VPS13B: variants seen among roughly 807,000 people sequenced by gnomAD.
The protein encoded by VPS13B is vacuolar protein sorting 13 homolog B, also known as intermembrane lipid transfer protein VPS13B.
In VPS13B, 285 loss-of-function variants were observed where a neutral mutation model predicts 426.4. That is an observed-to-expected ratio of 0.67 (90% CI 0.61 to 0.74). The LOEUF is 0.74. Among genes scored for constraint, VPS13B ranks in the 30% least tolerant of loss-of-function variants. VPS13B has a pLI of 0.00. For synonymous variants in VPS13B, 1,676 were observed against 1,676.4 expected (o/e 1.00, Z 0.01); for missense variants, 4,537 against 4,782.6 (o/e 0.95, Z 1.51).
chr8:99,079,107 G>A (rs951231021), intron 3 of VPS13B, among the ~76,000 whole-genome samples: 39 of 152,104 alleles, frequency 2.6e-4, no homozygotes, highest in Admixed American at 1.3e-3. Context: ...GAGAATGGGC[G>A]TAGGCAATGT....
intron 39 of VPS13B, among the ~76,000 whole-genome samples, chr8:99,754,342 T>C (rs1810537445): frequency 6.6e-6 from 1 of 152,214 alleles, no homozygotes; most frequent in South Asian, 2.1e-4. Flanking sequence ...AAAGTATCTC[T>C]ACTCAATTTG....
intron 21 of VPS13B, among the ~76,000 whole-genome samples, chr8:99,419,412 C>T (rs1338204050): frequency 6.6e-6 from 1 of 151,374 alleles, no homozygotes; most frequent in African/African-American, 2.4e-5. Flanking sequence ...CAGACTAACA[C>T]AATTTCCCTT....
intron 21 of VPS13B, among the ~76,000 whole-genome samples, chr8:99,428,860 G>A (rs1025792346): frequency 7.2e-5 from 11 of 152,128 alleles, no homozygotes; most frequent in Admixed American, 2.6e-4. Context: ...ATTCACAATA[G>A]CAAAGACTTG....
Position 99,575,762 on chromosome 8 carries a change from C to T in VPS13B, c.5054C>T (p.Ser1685Phe), listed in dbSNP as rs763052877. Residue 1685 changes from serine (S) to phenylalanine (F), a missense_variant, in exon 32 of 62, where the codon TCT becomes TTT. Ser to Phe is a radical substitution (Grantham distance 155). Around this residue, in one of 2 missense-constraint regions of VPS13B, gnomAD observed 4,311 missense variants for 4,474.3 expected, o/e 0.96. Coordinates refer to ENST00000357162, the MANE Select transcript of VPS13B (RefSeq NM_152564.5). ...GCTGTCATTTTCACCAAAGTAGTTT[C>T]TCCAGAAAATTTGCATACTGAGGTT... ...APAVIFTKVV[S>F]PENLHTEEIL... 45 of 1,613,520 alleles carry T rather than the reference C, an allele frequency of 2.8e-5. No individual in the cohort carries two copies. Among genetic ancestry groups the T allele is most frequent in the Non-Finnish European group, 4.2e-6 (5 of 1,179,806 alleles).
At chr8:99,014,012 G>A in intron 2 of VPS13B, 77 bp downstream of exon 2, 1 of 1,572,278 alleles carries the variant, frequency 6.4e-7, no homozygotes, top group Non-Finnish European at 8.7e-7. Context: ...CCTAAGCTTT[G>A]ACTTTATGCT....
At chr8:99,243,562 A>G (rs898442229) in intron 17 of VPS13B, among the ~76,000 whole-genome samples, 4 of 152,212 alleles carry the variant, frequency 2.6e-5, no homozygotes, top group Admixed American at 2.0e-4. Context: ...TCAGAAAAGG[A>G]TAGACATAAG....
At position 99,384,251 on chromosome 8, in the gene VPS13B, T is replaced by G; in HGVS notation, c.2868T>G (p.Ile956Met). The G allele has an allele frequency of 1.2e-6, 2 of 1,614,044 alleles. No individual in the cohort carries two copies. Among genetic ancestry groups the G allele is most frequent in the Non-Finnish European group, 1.7e-6 (2 of 1,179,964 alleles). ...GTATACAAGGACTAGCAGTTAATAT[T>G]GACCCAATCTTATATACGTGGCTCA... ...LCSIQGLAVNIDPILYTWLIY... is the reference protein window; with the variant it reads ...LCSIQGLAVNMDPILYTWLIY... The change falls in exon 20 of 62, where the codon ATT (isoleucine) becomes ATG (methionine). Residue 956 changes from isoleucine (I) to methionine (M), a missense_variant. Ile to Met is a conservative substitution (Grantham distance 10). Around this residue, in one of 2 missense-constraint regions of VPS13B, gnomAD observed 4,311 missense variants for 4,474.3 expected, o/e 0.96. Transcript: ENST00000357162.
At chr8:99,455,841 T>C (rs1303448068) in intron 23 of VPS13B, among the ~76,000 whole-genome samples, 1 of 152,214 alleles carries the variant, frequency 6.6e-6, no homozygotes, top group African/African-American at 2.4e-5. Context: ...ATTGTATGAT[T>C]ATGCTACATT....
chr8:99,465,347 G>A (rs1415090859), intron 23 of VPS13B, among the ~76,000 whole-genome samples: 1 of 150,414 alleles, frequency 6.6e-6, no homozygotes, highest in Non-Finnish European at 1.5e-5. Flanking sequence ...GGTATAGTGT[G>A]CTTTTTAAAA....
chr8:99,665,776 G>T (rs1369708790), intron 35 of VPS13B, among the ~76,000 whole-genome samples: 1 of 152,118 alleles, frequency 6.6e-6, no homozygotes, highest in Admixed American at 6.5e-5. Context: ...TCGTTCTTTT[G>T]GCTTAGGATT....
intron 14 of VPS13B, among the ~76,000 whole-genome samples, chr8:99,154,009 G>A (rs1811216421): frequency 1.3e-5 from 2 of 151,092 alleles, no homozygotes; most frequent in South Asian, 4.2e-4. Flanking sequence ...CTCTCTTCTT[G>A]CTTACATTGT....
chr8:99,279,586 T>C (rs1819065454), intron 19 of VPS13B, among the ~76,000 whole-genome samples: 1 of 152,172 alleles, frequency 6.6e-6, no homozygotes, highest in Non-Finnish European at 1.5e-5. Context: ...ATATAGACTT[T>C]GGCTCTTCTT....
At chr8:99,621,771 C>T (rs1828357384) in intron 33 of VPS13B, among the ~76,000 whole-genome samples, 2 of 145,606 alleles carry the variant, frequency 1.4e-5, no homozygotes, top group African/African-American at 2.5e-5. Context: ...TCAAAAGACT[C>T]TTATCTACAT....
chr8:99,402,376 T>A (rs139138543), intron 21 of VPS13B, among the ~76,000 whole-genome samples: 1 of 152,196 alleles, frequency 6.6e-6, no homozygotes, highest in Non-Finnish European at 1.5e-5. Context: ...GGGTTTTATA[T>A]TCCATGGTGA....
intron 33 of VPS13B, among the ~76,000 whole-genome samples, chr8:99,615,223 T>A (rs1467955467): frequency 6.6e-6 from 1 of 152,200 alleles, no homozygotes; most frequent in Non-Finnish European, 1.5e-5. Flanking sequence ...TACTCATGTG[T>A]TATTATTATA....
intron 30 of VPS13B, among the ~76,000 whole-genome samples, chr8:99,541,640 A>G (rs974914556): frequency 6.6e-6 from 1 of 152,192 alleles, no homozygotes; most frequent in Admixed American, 6.5e-5. Flanking sequence ...GCCATGTTAA[A>G]ACATTCATGC....
At chr8:99,153,191 T>A (rs1811167494) in intron 14 of VPS13B, among the ~76,000 whole-genome samples, 1 of 151,964 alleles carries the variant, frequency 6.6e-6, no homozygotes, top group Non-Finnish European at 1.5e-5. Flanking sequence ...ATAAGAAAAA[T>A]TTTTTTAAAA....
At chr8:99,212,799 A>G (rs947841442) in intron 17 of VPS13B, among the ~76,000 whole-genome samples, 1 of 152,048 alleles carries the variant, frequency 6.6e-6, no homozygotes. Flanking sequence ...TTTTCTACCA[A>G]TGTATGTAGC....
chr8:99,529,002 G>T (rs1282447481), intron 30 of VPS13B, among the ~76,000 whole-genome samples: 3 of 151,332 alleles, frequency 2.0e-5, no homozygotes, highest in Non-Finnish European at 4.4e-5. Flanking sequence ...ATAAGAAAAG[G>T]TAAAATAACA....
Sources: allele counts gnomAD v4.1 joint callset (sites outside exome capture counted in the v4.1 genomes callset), GRCh38; gene constraint gnomAD v4.1.1; regional missense constraint gnomAD v4.1.1; transcripts MANE v1.5; gene names NCBI Gene and HGNC (gene_info 2026-07-23, HGNC 2026-07-21).